COLEC10: variants seen among roughly 807,000 people sequenced by gnomAD.
The protein encoded by COLEC10 is collectin subfamily member 10, also known as collectin-10.
In COLEC10, 22 loss-of-function variants were observed where a neutral mutation model predicts 28.4. That is an observed-to-expected ratio of 0.78 (90% confidence interval 0.55 to 1.11). The LOEUF (loss-of-function observed/expected upper bound fraction) is 1.11, where lower values mean the gene tolerates loss of function less well. Ranked by LOEUF, COLEC10 falls within the 50% of genes least tolerant of loss-of-function variation. The probability of loss-of-function intolerance (pLI) is 0.00; values close to 1 mark genes in which losing one functional copy is unlikely to be tolerated. For synonymous variants in COLEC10, 125 were observed against 116.1 expected, an observed-to-expected ratio of 1.08 and a Z score of -0.49; for missense variants, 361 against 344.1, an observed-to-expected ratio of 1.05 and a Z score of -0.39.
intron 2 of COLEC10, among the ~76,000 whole-genome samples, chr8:119,047,766 A>G (rs1814610223): frequency 8.0e-6 from 1 of 124,348 alleles, no homozygotes; most frequent in African/African-American, 3.7e-5. Context: ...TGAGAGAATT[A>G]TAAGAAAAAC....
At chr8:119,044,116 G>C (rs535113232) in intron 2 of COLEC10, among the ~76,000 whole-genome samples, 1 of 152,206 alleles carries the variant, frequency 6.6e-6, no homozygotes, top group Non-Finnish European at 1.5e-5. Context: ...GAGTATTTCA[G>C]GTTTACACCT....
intron 3 of COLEC10, among the ~76,000 whole-genome samples, chr8:119,097,906 AACAT>A (rs974082046): frequency 6.6e-6 from 1 of 152,046 alleles, no homozygotes; most frequent in African/African-American, 2.4e-5. Flanking sequence ...ATTGCAGTGA[AACAT>A]ACACAACATA....
rs1425149935 is a variant in COLEC10, at chr8:119,108,347, A to T, written c.*2156A>T. Among the ~76,000 whole-genome samples, 1 of 152,154 alleles carries T rather than the reference A, an allele frequency of 6.6e-6. No individual in the cohort carries two copies. The highest frequency in any genetic ancestry group is 1.5e-5 in the Non-Finnish European group (1 of 68,026). ...GCCTACGGGCAACTTCATGTTAAGG[A>T]TCCATGTTCTGATTTGTTCTAAGCC... On this transcript the variant is annotated 3_prime_UTR_variant, in exon 6 of 6. Coordinates refer to ENST00000332843, the MANE Select transcript of COLEC10 (RefSeq NM_006438.5).
rs59453751 is a variant in COLEC10, at chr8:119,078,990, TACACACACACACACACACACACAC to T, written c.149-10659_149-10636del. Among the ~76,000 whole-genome samples the T allele has an allele frequency of 5.6e-3, 796 of 143,056 alleles. 5 individuals are homozygous for T. The highest frequency in any genetic ancestry group is 0.016 in the African/African-American group (614 of 39,178). The allele number at this position is 143,056 out of a possible 152,430, so 93.9% of individuals were successfully genotyped here. A position where few individuals can be genotyped will look rare whatever the true frequency, so the allele number is the denominator to read the frequency against. ...AGCATAAATCTGCTCTGGGAAAACGTACACACACACACACACACACACACACACACACACACACACACACACACA... is the reference window on the plus strand; with the variant it reads ...AGCATAAATCTGCTCTGGGAAAACGTACACACACACACACACACACACACA... On this transcript the variant is annotated intron_variant, in intron 1 of 5. Coordinates refer to ENST00000332843, the MANE Select transcript of COLEC10 (RefSeq NM_006438.5).
At chr8:118,960,142 G>A in the COLEC10 span, among the ~76,000 whole-genome samples, 7 of 152,106 alleles carry the variant, frequency 4.6e-5, no homozygotes, top group African/African-American at 1.7e-4. Flanking sequence ...GATAAGAGTT[G>A]GGGGTAGGGG....
chr8:118,960,503 G>A, the COLEC10 span, among the ~76,000 whole-genome samples: 4 of 152,152 alleles, frequency 2.6e-5, no homozygotes, highest in African/African-American at 7.2e-5. Flanking sequence ...TGCTCATAAA[G>A]CAGAATGATC....
chr8:119,106,018 A>T lies in COLEC10; in HGVS notation c.661A>T (p.Met221Leu). The T allele has an allele frequency of 6.2e-7, 1 of 1,613,856 alleles. No homozygotes were observed. Among genetic ancestry groups the T allele is most frequent in the Non-Finnish European group, 8.5e-7 (1 of 1,179,870 alleles). ...VNDLEREGQYMFTDNTPLQNY... is the reference protein window; with the variant it reads ...VNDLEREGQYLFTDNTPLQNY... ...TGACCTTGAAAGGGAGGGACAGTAC[A>T]TGTTCACAGACAACACTCCACTGCA... Residue 221 changes from methionine (M) to leucine (L), a missense_variant, in exon 6 of 6, where the codon ATG becomes TTG. Around this residue, in one of 3 missense-constraint regions of COLEC10, gnomAD observed 335 missense variants for 308.5 expected, o/e 1.09. Coordinates refer to ENST00000332843, the MANE Select transcript of COLEC10 (RefSeq NM_006438.5).
At chr8:119,091,099 C>A in intron 2 of COLEC10, 50 bp from the exon 3 acceptor site, 3 of 1,451,898 alleles carry the variant, frequency 2.1e-6, no homozygotes, top group Non-Finnish European at 2.9e-6. Flanking sequence ...AGCCACATTT[C>A]AAGGGAAGAT....
intron 1 of COLEC10, among the ~76,000 whole-genome samples, chr8:119,074,444 T>A (rs927469632): frequency 2.6e-5 from 4 of 152,114 alleles, no homozygotes; most frequent in Admixed American, 2.0e-4. Flanking sequence ...ATTAAAAAAA[T>A]TTAAAAATAC....
intron 2 of COLEC10, among the ~76,000 whole-genome samples, chr8:119,045,643 C>T (rs1814573677): frequency 1.3e-5 from 2 of 152,162 alleles, no homozygotes; most frequent in Non-Finnish European, 2.9e-5. Context: ...TGATTTTCTA[C>T]TTATAGAGAA....
At chr8:119,095,503 G>A (rs1815695622) in intron 3 of COLEC10, among the ~76,000 whole-genome samples, 2 of 152,120 alleles carry the variant, frequency 1.3e-5, no homozygotes, top group Non-Finnish European at 2.9e-5. Flanking sequence ...TGGAGTTTGA[G>A]ACCAGCCTAG....
upstream of COLEC10, among the ~76,000 whole-genome samples, chr8:118,995,235 A>G (rs1449198761): frequency 1.3e-5 from 2 of 152,178 alleles, no homozygotes; most frequent in Non-Finnish European, 2.9e-5. Flanking sequence ...GCTTTGCCCT[A>G]TTGCTAAGAA....
the COLEC10 span, among the ~76,000 whole-genome samples, chr8:118,956,818 T>C: frequency 1.3e-5 from 2 of 152,154 alleles, no homozygotes; most frequent in Admixed American, 1.3e-4. Flanking sequence ...CCCATGTAAT[T>C]TGTCTATACC....
the COLEC10 span, among the ~76,000 whole-genome samples, chr8:118,966,733 G>A: frequency 2.0e-5 from 3 of 151,078 alleles, no homozygotes; most frequent in Non-Finnish European, 4.4e-5. Context: ...TGTATTTTCT[G>A]TGGTTTCTTA....
the COLEC10 span, among the ~76,000 whole-genome samples, chr8:118,974,053 G>A: frequency 1.2e-4 from 18 of 151,646 alleles, no homozygotes; most frequent in Middle Eastern, 3.2e-3. Flanking sequence ...ATTTATGGTC[G>A]GCCTTTCATT....
the COLEC10 span, among the ~76,000 whole-genome samples, chr8:118,977,657 G>A: frequency 1.4e-5 from 2 of 147,916 alleles, no homozygotes; most frequent in African/African-American, 5.1e-5. Flanking sequence ...GCTAGATGAC[G>A]AGTTAGTGGG....
chr8:118,984,330 T>C, the COLEC10 span, among the ~76,000 whole-genome samples: 1 of 151,930 alleles, frequency 6.6e-6, no homozygotes, highest in Non-Finnish European at 1.5e-5. Flanking sequence ...TGAGGCCTAC[T>C]TGAGGGTACA....
intron 2 of COLEC10, among the ~76,000 whole-genome samples, chr8:119,058,243 T>C (rs1814796402): frequency 6.6e-6 from 1 of 152,052 alleles, no homozygotes; most frequent in Admixed American, 6.6e-5. Flanking sequence ...TCATGATAGG[T>C]TTGAGGGTTT....
the COLEC10 span, among the ~76,000 whole-genome samples, chr8:118,964,290 G>A: frequency 6.6e-6 from 1 of 152,118 alleles, no homozygotes; most frequent in African/African-American, 2.4e-5. Flanking sequence ...TTTTGCAGAT[G>A]TCCTTTCTAT....
Sources: allele counts gnomAD v4.1 joint callset (sites outside exome capture counted in the v4.1 genomes callset), GRCh38; gene constraint gnomAD v4.1.1; regional missense constraint gnomAD v4.1.1; transcripts MANE v1.5; gene names NCBI Gene and HGNC (gene_info 2026-07-23, HGNC 2026-07-21).